KCNIP4: variants seen among roughly 807,000 people sequenced by gnomAD.
The protein encoded by KCNIP4 is potassium voltage-gated channel interacting protein 4, also known as Kv channel-interacting protein 4.
A neutral mutation model predicts 34.0 loss-of-function variants in KCNIP4; 12 were observed. The observed-to-expected ratio is 0.35, with a 90% confidence interval of 0.23 to 0.57. The LOEUF is 0.57. Among genes scored for constraint, KCNIP4 ranks in the 20% least tolerant of loss-of-function variants. The pLI, the probability that KCNIP4 is intolerant of heterozygous loss-of-function variation, is 0.83. For missense variants in KCNIP4, 238 were observed against 311.7 expected (o/e 0.76, Z 1.78); for synonymous variants, 124 against 102.2 (o/e 1.21, Z -1.29).
At chr4:21,596,568 T>C (rs1577664862) in intron 1 of KCNIP4, among the ~76,000 whole-genome samples, 1 of 152,058 alleles carries the variant, frequency 6.6e-6, no homozygotes, top group East Asian at 1.9e-4. Context: ...CCATCTACCT[T>C]TCCTGGAGAG....
intron 1 of KCNIP4, among the ~76,000 whole-genome samples, chr4:21,381,248 A>G (rs1305694775): frequency 6.6e-6 from 1 of 152,220 alleles, no homozygotes; most frequent in African/African-American, 2.4e-5. Flanking sequence ...CTGTCACCCA[A>G]TTAAGCTTGA....
At chr4:21,127,987 C>T (rs1488619611) in intron 1 of KCNIP4, among the ~76,000 whole-genome samples, 1 of 152,212 alleles carries the variant, frequency 6.6e-6, no homozygotes, top group Non-Finnish European at 1.5e-5. Flanking sequence ...GTCTCTGTTC[C>T]TTTGCTTTCC....
chr4:21,576,714 CATA>C (rs1022631583), intron 1 of KCNIP4, among the ~76,000 whole-genome samples: 43 of 152,148 alleles, frequency 2.8e-4, no homozygotes, highest in African/African-American at 5.3e-4. Flanking sequence ...CTTTAATATT[CATA>C]ATAACTTTTG....
intron 1 of KCNIP4, among the ~76,000 whole-genome samples, chr4:21,296,811 A>C (rs1269478181): frequency 2.0e-5 from 3 of 151,906 alleles, no homozygotes; most frequent in Non-Finnish European, 2.9e-5. Context: ...TAATTGTCAT[A>C]AACAGTCTGG....
chr4:21,183,469 GTTT>G (rs3080812), intron 1 of KCNIP4, among the ~76,000 whole-genome samples: 1 of 128,294 alleles, frequency 7.8e-6, no homozygotes, highest in African/African-American at 2.9e-5. Context: ...TGTTGTTTTT[GTTT>G]TTTTTTTTTT....
rs375428450 is a variant in KCNIP4 at position 20,819,634 on chromosome 4, C to A, written c.288+30909G>T. On this transcript the variant is annotated intron_variant, in intron 3 of 8. Transcript: ENST00000382152. ...TCCCTCCAAAATTCATATGTTGGAC[C>A]TGAATAATCAATGTGATAATATTAA... Among the ~76,000 whole-genome samples, 38 of 152,240 alleles carry A rather than the reference C, an allele frequency of 2.5e-4. 1 individual carries two copies. In the South Asian group the frequency reaches 7.9e-3, roughly 32 times the overall value.
In KCNIP4 at chr4:21,471,076, ATC is replaced by A. The variant is rs536606767; in HGVS notation, c.61+477493_61+477494del. Reference sequence around the variant, plus strand: ...GCATATCTAGGGGTGGGGTCTAGAAATCTCTGTTTTAACAAGGCTTGCAGGAG... The same window carrying A: ...GCATATCTAGGGGTGGGGTCTAGAAATCTGTTTTAACAAGGCTTGCAGGAG... On this transcript the variant is annotated intron_variant, in intron 1 of 8. Transcript: ENST00000382152. Among the ~76,000 whole-genome samples, 143 of 152,204 alleles carry A rather than the reference ATC, an allele frequency of 9.4e-4. 1 individual carries two copies. The highest frequency in any genetic ancestry group is 3.3e-3 in the African/African-American group (137 of 41,528).
At chr4:21,722,084 A>G (rs1361750893) in intron 1 of KCNIP4, among the ~76,000 whole-genome samples, 1 of 152,178 alleles carries the variant, frequency 6.6e-6, no homozygotes, top group Non-Finnish European at 1.5e-5. Flanking sequence ...TAAATTTCAT[A>G]TTCAATCATA....
At chr4:21,635,221 T>C (rs988421888) in intron 1 of KCNIP4, among the ~76,000 whole-genome samples, 1 of 152,184 alleles carries the variant, frequency 6.6e-6, no homozygotes, top group Non-Finnish European at 1.5e-5. Context: ...TTTTCCACTC[T>C]TGGAAAATGA....
At chr4:21,897,707 G>A (rs1053613907) in intron 1 of KCNIP4, among the ~76,000 whole-genome samples, 5 of 152,102 alleles carry the variant, frequency 3.3e-5, no homozygotes, top group South Asian at 4.1e-4. Context: ...AGAGAAAGAC[G>A]ATCAACTAGA....
chr4:21,368,204 T>A (rs1251614032), intron 1 of KCNIP4, among the ~76,000 whole-genome samples: 1 of 143,770 alleles, frequency 7.0e-6, no homozygotes. Flanking sequence ...CATAAAATAA[T>A]CTTATTAGAA....
chr4:21,627,329 T>G (rs2323072), intron 1 of KCNIP4, among the ~76,000 whole-genome samples: 81,604 of 151,818 alleles, frequency 0.54, 22,482 homozygotes, highest in African/African-American at 0.66. Flanking sequence ...ATAAATTATG[T>G]TTTAATTTTC....
At chr4:21,318,523 A>G (rs1035317458) in intron 1 of KCNIP4, among the ~76,000 whole-genome samples, 7 of 152,242 alleles carry the variant, frequency 4.6e-5, no homozygotes, top group Non-Finnish European at 7.4e-5. Context: ...TCATTTTTCT[A>G]TATATTTTAT....
chr4:21,464,673 T>A (rs923152044), intron 1 of KCNIP4: 1 of 152,114 alleles, frequency 6.6e-6, no homozygotes, highest in African/African-American at 2.4e-5. Flanking sequence ...TTTTTTTCTA[T>A]CACGCCTAGT....
At chr4:21,272,435 A>C (rs77867666) in intron 1 of KCNIP4, among the ~76,000 whole-genome samples, 2,750 of 152,284 alleles carry the variant, frequency 0.018, 25 homozygotes, top group South Asian at 0.026. Context: ...CAGTCATCAG[A>C]TCTTCATGGC....
At chr4:21,913,521 G>A (rs1241482928) in intron 1 of KCNIP4, among the ~76,000 whole-genome samples, 2 of 152,046 alleles carry the variant, frequency 1.3e-5, no homozygotes, top group Admixed American at 1.3e-4. Flanking sequence ...CTCCAGAACT[G>A]TGAGAAATAA....
At chr4:21,501,248 T>TCTCACA (rs764571152) in intron 1 of KCNIP4, among the ~76,000 whole-genome samples, 13 of 104,288 alleles carry the variant, frequency 1.2e-4, no homozygotes, top group East Asian at 6.8e-4. Flanking sequence ...TCTCTCTCTC[T>TCTCACA]CACACACACA....
At chr4:21,065,197 G>T (rs912782427) in intron 1 of KCNIP4, among the ~76,000 whole-genome samples, 2 of 151,754 alleles carry the variant, frequency 1.3e-5, no homozygotes, top group Admixed American at 6.6e-5. Context: ...TCTATGACAC[G>T]CTGAGCAGCT....
intron 1 of KCNIP4, among the ~76,000 whole-genome samples, chr4:21,790,055 T>C (rs1239175154): frequency 6.6e-6 from 1 of 152,198 alleles, no homozygotes; most frequent in Non-Finnish European, 1.5e-5. Flanking sequence ...CCTCAGCATG[T>C]CATTTAACGG....
Sources: gnomAD v4.1 joint callset for allele counts (sites outside exome capture counted in the v4.1 genomes callset) on GRCh38, gnomAD v4.1.1 for gene constraint, MANE v1.5 for transcripts, NCBI Gene and HGNC (gene_info 2026-07-23, HGNC 2026-07-21) for gene names.